The following GTPBP1 variants were observed in gnomAD, a reference collection of about 807,000 sequenced individuals.
GTPBP1 encodes GTP binding protein 1, also known as GTP-binding protein 1.
In GTPBP1, 23 loss-of-function variants were observed where a neutral mutation model predicts 62.0. The ratio of observed to expected loss-of-function variants is 0.37; its 90% CI spans 0.27 to 0.53. The LOEUF is 0.53. Ranked by LOEUF, GTPBP1 falls within the 20% of genes least tolerant of loss-of-function variation. The probability of loss-of-function intolerance (pLI) is 0.89; values close to 1 mark genes in which losing one functional copy is unlikely to be tolerated. For synonymous variants in GTPBP1, 344 were observed against 364.4 expected, an observed-to-expected ratio of 0.94 and a Z score of 0.64; for missense variants, 640 against 917.3, an observed-to-expected ratio of 0.70 and a Z score of 3.90.
At chr22:38,740,492 C>T (rs1411795170), downstream of GTPBP1, 10 of 1,404,730 alleles carry the variant, frequency 7.1e-6, no homozygotes, top group African/African-American at 1.5e-4. This position sits in a 1 kb window ranked among gnomAD's most constrained non-coding sequence, Gnocchi z 4.8. Context: ...AAGGCCACAC[C>T]AAAGATGAAA....
chr22:38,736,131 CT>C, downstream of GTPBP1: 4 of 860,072 alleles, frequency 4.7e-6, no homozygotes, highest in South Asian at 1.4e-5. Flanking sequence ...CCTGCCCGTC[CT>C]TTTCATCTGC....
rs374928496 is a variant in GTPBP1 at position 38,719,929 on chromosome 22, C to CTT, written c.835-1797_835-1796dup. On this transcript the variant is annotated intron_variant, in intron 4 of 11. Coordinates refer to ENST00000216044, the MANE Select transcript of GTPBP1 (RefSeq NM_004286.5). ...CCACTGCCTTTTATTTTCTTTCTTT[C>CTT]TTTTTTTTTTTTTTTTTGAGACGGA... Among the ~76,000 whole-genome samples the CTT allele has an allele frequency of 7.9e-3, 1,074 of 135,758 alleles. 27 individuals carry two copies. Among genetic ancestry groups the CTT allele is most frequent in the African/African-American group, 0.028 (1,003 of 35,880 alleles). 89.1% of individuals were successfully genotyped at this position (135,758 alleles called of 152,430 possible). A position where few individuals can be genotyped will look rare whatever the true frequency, so the allele number is the denominator to read the frequency against.
chr22:38,706,238 T>C, intron 1 of GTPBP1, 91 bp downstream of exon 1: 1 of 841,736 alleles, frequency 1.2e-6, no homozygotes, highest in Non-Finnish European at 1.6e-6. Flanking sequence ...GGCCGCCCTG[T>C]CCGCGGGGAG....
downstream of GTPBP1, chr22:38,736,633 T>C (rs1306425072): frequency 5.7e-6 from 2 of 348,828 alleles, no homozygotes; most frequent in Non-Finnish European, 1.1e-5. Context: ...AATCGTTTTT[T>C]TATTGTGATC....
At chr22:38,743,033 C>G (rs1381161223), downstream of GTPBP1, 1 of 155,146 alleles carries the variant, frequency 6.4e-6, no homozygotes, top group Non-Finnish European at 1.4e-5. Context: ...GGCTAAGAGA[C>G]AGAATAATTT....
At position 38,716,362 on chromosome 22, in the gene GTPBP1, G is replaced by A. The variant is rs1047232565; in HGVS notation, c.485+275G>A. On this transcript the variant is annotated intron_variant, in intron 3 of 11. Coordinates refer to ENST00000216044, the MANE Select transcript of GTPBP1 (RefSeq NM_004286.5). The surrounding 1 kb of genome is among the most constrained non-coding windows in gnomAD (Gnocchi z 5.2). ...TGAGCCTGGAAACCAGGGTCATGGA[G>A]AAGAGCCTTTTGTGCCTCTGGTAGC... 1.7e-6 allele frequency: 1 copy of A among 586,542 alleles called. No individual in the cohort carries two copies. Among genetic ancestry groups the A allele is most frequent in the African/African-American group, 1.9e-5 (1 of 53,674 alleles). The allele number at this position is 586,542 out of a possible 1,614,324, so 36.3% of individuals were successfully genotyped here. A position where few individuals can be genotyped will look rare whatever the true frequency, so the allele number is the denominator to read the frequency against.
chr22:38,739,269 A>T, downstream of GTPBP1: 1 of 1,515,660 alleles, frequency 6.6e-7, no homozygotes, highest in East Asian at 2.3e-5. This position sits in a 1 kb window ranked among gnomAD's most constrained non-coding sequence, Gnocchi z 6.7. Flanking sequence ...CCCACCACCA[A>T]CCTGGTAGAT....
chr22:38,730,551 C>G lies in GTPBP1; in HGVS notation c.1918-61C>G, dbSNP rs1025770715. Reference sequence around the variant, plus strand: ...CCTGTCTCCCCGCTGCTCAGCACCTCTGCTCTCTGGCCCTGCTCCTGATGG... The same window carrying G: ...CCTGTCTCCCCGCTGCTCAGCACCTGTGCTCTCTGGCCCTGCTCCTGATGG... On this transcript the variant is annotated intron_variant, in intron 11 of 11. Transcript: ENST00000216044. The surrounding 1 kb of genome is among the most constrained non-coding windows in gnomAD (Gnocchi z 5.6). 1 of 1,144,184 alleles carries G rather than the reference C, an allele frequency of 8.7e-7. No individual in the cohort carries two copies. Among genetic ancestry groups the G allele is most frequent in the Non-Finnish European group, 1.3e-6 (1 of 764,202 alleles). The allele number at this position is 1,144,184 out of a possible 1,614,324, so 70.9% of individuals were successfully genotyped here.
downstream of GTPBP1, chr22:38,740,536 G>C (rs2092847691): frequency 3.7e-5 from 47 of 1,283,744 alleles, 1 homozygote; most frequent in South Asian, 7.7e-4. The surrounding 1 kb of genome is among the most constrained non-coding windows in gnomAD (Gnocchi z 4.8). Flanking sequence ...TCAGGAGAGC[G>C]GGTGCCCAGC....
At chr22:38,713,775 C>T (rs142057239) in intron 2 of GTPBP1, among the ~76,000 whole-genome samples, 1 of 152,258 alleles carries the variant, frequency 6.6e-6, no homozygotes, top group East Asian at 1.9e-4. Flanking sequence ...GCTTTATTAA[C>T]ATTGTTAGTG....
chr22:38,734,985 G>C, downstream of GTPBP1: 1 of 293,184 alleles, frequency 3.4e-6, no homozygotes, highest in Non-Finnish European at 6.7e-6. Flanking sequence ...GACACAGCCG[G>C]AACCAGTGCC....
At chr22:38,724,248 C>T (rs2092715686) in intron 5 of GTPBP1, 49 bp from the exon 6 acceptor site, 1 of 1,122,436 alleles carries the variant, frequency 8.9e-7, no homozygotes. Context: ...AAAGCCTGGC[C>T]AAAGAGAAGG....
downstream of GTPBP1, chr22:38,739,746 T>G (rs779171958): frequency 6.2e-6 from 10 of 1,613,674 alleles, no homozygotes; most frequent in South Asian, 1.1e-4. This position sits in a 1 kb window ranked among gnomAD's most constrained non-coding sequence, Gnocchi z 6.7. Context: ...CAATCACACC[T>G]TCTTTCTGCA....
At chr22:38,715,630 A>G (rs368892381) in intron 2 of GTPBP1, among the ~76,000 whole-genome samples, 1 of 152,080 alleles carries the variant, frequency 6.6e-6, no homozygotes, top group African/African-American at 2.4e-5. Context: ...TAGTCCTAGT[A>G]CCCAGCATGA....
At chr22:38,736,283 C>T (rs1279831999), downstream of GTPBP1, 1 of 1,613,462 alleles carries the variant, frequency 6.2e-7, no homozygotes, top group Non-Finnish European at 8.5e-7. Flanking sequence ...GGCGGGCTCC[C>T]CATGCACTCT....
chr22:38,710,091 T>G (rs994413924), intron 2 of GTPBP1, among the ~76,000 whole-genome samples: 1 of 152,250 alleles, frequency 6.6e-6, no homozygotes, highest in African/African-American at 2.4e-5. Flanking sequence ...GTCTCTGTCA[T>G]CTTTGCAGGA....
intron 2 of GTPBP1, 46 bp downstream of exon 2, chr22:38,709,002 CG>C (rs756862676): frequency 3.2e-5 from 39 of 1,208,184 alleles, no homozygotes; most frequent in Non-Finnish European, 4.8e-5. Flanking sequence ...ATTATTGGGC[CG>C]GGTGCGGTGG....
intron 6 of GTPBP1, chr22:38,725,763 G>C: frequency 1.9e-6 from 1 of 518,948 alleles, no homozygotes; most frequent in Non-Finnish European, 3.5e-6. Flanking sequence ...GGACAGAGAG[G>C]AGAGGACAGG....
At chr22:38,738,892 G>T (rs1418271259), downstream of GTPBP1, 1 of 1,608,258 alleles carries the variant, frequency 6.2e-7, no homozygotes, top group Non-Finnish European at 8.5e-7. This position sits in a 1 kb window ranked among gnomAD's most constrained non-coding sequence, Gnocchi z 6.6. Flanking sequence ...GACTCGGGGT[G>T]ACTGGGAGTG....
Sources: allele counts gnomAD v4.1 joint callset (sites outside exome capture counted in the v4.1 genomes callset), GRCh38; gene constraint gnomAD v4.1.1; non-coding constraint Gnocchi (gnomAD v3.1); transcripts MANE v1.5; gene names NCBI Gene and HGNC (gene_info 2026-07-23, HGNC 2026-07-21).